SMIM10: variants seen among roughly 807,000 people sequenced by gnomAD.
The protein encoded by SMIM10 is chromosome X open reading frame 69.
For synonymous variants in SMIM10, 32 were observed against 36.0 expected (o/e 0.89, Z 0.40); for missense variants, 62 against 73.1 (o/e 0.85, Z 0.55).
Position 134,991,112 on chromosome X carries a change from C to G in SMIM10, c.17C>G (p.Ser6Cys). 8.6e-7 allele frequency: 1 copy of G among 1,164,955 alleles called. No individual in the cohort carries two copies. Among genetic ancestry groups the G allele is most frequent in the African/African-American group, 1.8e-5 (1 of 56,493 alleles). ...CGGAGCCTGATGGAGGCCTTGGGCT[C>G]TGGGCACTATGTGGGAGGCAGCATC... MEALG[S>C]GHYVGGSIRS... The change falls in exon 1 of 1, where the codon TCT becomes TGT. Residue 6 changes from serine to cysteine, a missense_variant. By Grantham distance (112) the Ser-to-Cys change is moderately radical. Transcript: ENST00000330288.
rs1418802930 is a variant in SMIM10 at position 134,992,115 on chromosome X, A to G, written c.*768A>G. 1 of 122,622 alleles carries G rather than the reference A, an allele frequency of 8.2e-6. No individual in the cohort carries two copies. The highest frequency in any genetic ancestry group is 3.3e-5 in the African/African-American group (1 of 30,568). 10.1% of individuals were successfully genotyped at this position (122,622 alleles called of 1,213,427 possible). A position where few individuals can be genotyped will look rare whatever the true frequency, so the allele number is the denominator to read the frequency against. On this transcript the variant is annotated 3_prime_UTR_variant, in exon 1 of 1. Transcript: ENST00000330288. ...CTGGAGTCGGTGATGAGAAAATCCA[A>G]TCAGAGCATTCCACTTTGCTATTCA...
chrX:134,991,328 A>G lies in SMIM10; in HGVS notation c.233A>G (p.His78Arg). 8.6e-7 allele frequency: 1 copy of G among 1,166,481 alleles called. No individual in the cohort carries two copies. Among genetic ancestry groups the G allele is most frequent in the Non-Finnish European group, 1.1e-6 (1 of 872,164 alleles). ...YILASVILNVHLQVYI is the reference protein window; with the variant it reads ...YILASVILNVRLQVYI The stretch of plus-strand genomic sequence containing the variant: ...CTGGCCTCGGTGATTCTCAACGTCC[A>G]CCTGCAGGTATATATTTAGAGCCAC... The change falls in exon 1 of 1, where the codon CAC becomes CGC. Residue 78 changes from histidine (H) to arginine (R), a missense_variant. Transcript: ENST00000330288.
Position 134,991,275 on chromosome X carries a change from G to A in SMIM10, c.180G>A (p.Leu60=), listed in dbSNP as rs2083201652. 1 of 1,168,334 alleles carries A rather than the reference G, an allele frequency of 8.6e-7. No homozygotes were observed. Among genetic ancestry groups the A allele is most frequent in the Non-Finnish European group, 1.1e-6 (1 of 873,147 alleles). The stretch of plus-strand genomic sequence containing the variant: ...CCTTCTTCGACCTGGCCTGGCGGCT[G>A]CGCAAGAACTTCTTTTACTTCTATA... ...LLTFFDLAWR[L]RKNFFYFYIL... The change falls in exon 1 of 1, where the codon CTG becomes CTA. Residue 60 remains leucine (L), a synonymous_variant. Coordinates refer to ENST00000330288, the MANE Select transcript of SMIM10 (RefSeq NM_001163438.2).
In SMIM10 at chrX:134,991,368, T is replaced by C; in HGVS notation, c.*21T>C. The C allele has an allele frequency of 2.6e-6, 3 of 1,151,834 alleles. No individual in the cohort carries two copies. Among genetic ancestry groups the C allele is most frequent in the Non-Finnish European group, 3.5e-6 (3 of 861,741 alleles). 94.9% of individuals were successfully genotyped at this position (1,151,834 alleles called of 1,213,427 possible). A position where few individuals can be genotyped will look rare whatever the true frequency, so the allele number is the denominator to read the frequency against. Reference sequence around the variant, plus strand: ...TTTAGAGCCACTAACTTTGTGGCATTTGGGGGCTCCTCGTCAGGATGGCTG... The same window carrying C: ...TTTAGAGCCACTAACTTTGTGGCATCTGGGGGCTCCTCGTCAGGATGGCTG... On this transcript the variant is annotated 3_prime_UTR_variant, in exon 1 of 1. Transcript: ENST00000330288.
In SMIM10 at chrX:134,991,134, C is replaced by T. The variant is rs2083201055; in HGVS notation, c.39C>T (p.Ser13=). The T allele has an allele frequency of 1.7e-6, 2 of 1,166,972 alleles. No homozygotes were observed. The highest frequency in any genetic ancestry group is 6.5e-5 in the East Asian group (2 of 30,739). The change falls in exon 1 of 1, where the codon AGC becomes AGT. Residue 13 remains serine, a synonymous_variant. Transcript: ENST00000330288. ...ALGSGHYVGG[S]IRSMAAAALS... Reference sequence around the variant, plus strand: ...GCTCTGGGCACTATGTGGGAGGCAGCATCAGGTCCATGGCGGCGGCGGCCC... The same window carrying T: ...GCTCTGGGCACTATGTGGGAGGCAGTATCAGGTCCATGGCGGCGGCGGCCC...
rs917957126 is a variant in SMIM10, at chrX:134,992,239, GCCT to G, written c.*894_*896del. On this transcript the variant is annotated 3_prime_UTR_variant, in exon 1 of 1. Coordinates refer to ENST00000330288, the MANE Select transcript of SMIM10 (RefSeq NM_001163438.2). ...GGGCGGCAGGAAGTCAGCAGAAAAT[GCCT>G]CATGTCATTAAGTCAAGAAATAGTA... is the stretch of plus-strand genomic sequence containing the variant. The G allele has an allele frequency of 7.4e-5, 9 of 122,158 alleles. No individual in the cohort carries two copies. Among genetic ancestry groups the G allele is most frequent in the African/African-American group, 3.0e-4 (9 of 30,343 alleles). 10.1% of individuals were successfully genotyped at this position (122,158 alleles called of 1,213,427 possible).
At position 134,991,491 on chromosome X, in the gene SMIM10, G is replaced by C; in HGVS notation, c.*144G>C. The C allele has an allele frequency of 1.4e-6, 1 of 706,325 alleles. No homozygotes were observed. Among genetic ancestry groups the C allele is most frequent in the East Asian group, 3.6e-5 (1 of 27,828 alleles). The allele number at this position is 706,325 out of a possible 1,213,427, so 58.2% of individuals were successfully genotyped here. The stretch of plus-strand genomic sequence containing the variant: ...ATTCTTTCCATTGCCTCATCTTTTA[G>C]TATAAATGGGTGGCAAAAAAAGAAA... On this transcript the variant is annotated 3_prime_UTR_variant, in exon 1 of 1. Coordinates refer to ENST00000330288, the MANE Select transcript of SMIM10 (RefSeq NM_001163438.2).
chrX:134,991,003 G>A lies in SMIM10; in HGVS notation c.-93G>A, dbSNP rs2083200518. 1 of 1,078,221 alleles carries A rather than the reference G, an allele frequency of 9.3e-7. No individual in the cohort carries two copies. Among genetic ancestry groups the A allele is most frequent in the East Asian group, 3.3e-5 (1 of 30,005 alleles). 88.9% of individuals were successfully genotyped at this position (1,078,221 alleles called of 1,213,427 possible). On this transcript the variant is annotated 5_prime_UTR_variant, in exon 1 of 1. Transcript: ENST00000330288. Reference sequence around the variant, plus strand: ...GAAAGGAGGGCTTCCGCCTTGCAGCGCAGCTCGGATCAGCAGCAGCCCAGG... The same window carrying A: ...GAAAGGAGGGCTTCCGCCTTGCAGCACAGCTCGGATCAGCAGCAGCCCAGG...
In SMIM10 at chrX:134,991,236, G is replaced by C. The variant is rs775876425; in HGVS notation, c.141G>C (p.Thr47=). The C allele has an allele frequency of 3.6e-5, 42 of 1,167,357 alleles. No individual in the cohort carries two copies. Among genetic ancestry groups the C allele is most frequent in the Non-Finnish European group, 4.7e-5 (41 of 873,016 alleles). Residue 47 remains threonine (T), a synonymous_variant, in exon 1 of 1, where the codon ACG becomes ACC. Transcript: ENST00000330288. The stretch of plus-strand genomic sequence containing the variant: ...ACGGCGCCTTCTGCAAGACGCTCAC[G>C]CGCACGCTGCTCACCTTCTTCGACC... The part of the protein sequence containing the change: ...GSYGAFCKTL[T]RTLLTFFDLA...
At position 134,991,414 on chromosome X, in the gene SMIM10, C is replaced by T; in HGVS notation, c.*67C>T. The T allele has an allele frequency of 9.0e-7, 1 of 1,113,701 alleles. No individual in the cohort carries two copies. The highest frequency in any genetic ancestry group is 1.2e-6 in the Non-Finnish European group (1 of 836,571). The allele number at this position is 1,113,701 out of a possible 1,213,427, so 91.8% of individuals were successfully genotyped here. A position where few individuals can be genotyped will look rare whatever the true frequency, so the allele number is the denominator to read the frequency against. On this transcript the variant is annotated 3_prime_UTR_variant, in exon 1 of 1. Transcript: ENST00000330288. The stretch of plus-strand genomic sequence containing the variant: ...GGCTGACTTCCACCCACCTGCTCAC[C>T]CACCCTAGAGCAAAGCGACCAACTC...
chrX:134,991,209 T>C lies in SMIM10; in HGVS notation c.114T>C (p.Ser38=). Residue 38 remains serine (S), a synonymous_variant, in exon 1 of 1, where the codon TCT becomes TCC. Transcript: ENST00000330288. ...CGCGCCCGCAGGGGACCCGCGGCTCTTACGGCGCCTTCTGCAAGACGCTCA... is the reference window on the plus strand; with the variant it reads ...CGCGCCCGCAGGGGACCCGCGGCTCCTACGGCGCCTTCTGCAAGACGCTCA... ...RLSRPQGTRG[S]YGAFCKTLTR... The C allele has an allele frequency of 8.6e-7, 1 of 1,168,276 alleles. No individual in the cohort carries two copies. The highest frequency in any genetic ancestry group is 1.1e-6 in the Non-Finnish European group (1 of 873,079).
rs2083203035 is a variant in SMIM10 at position 134,991,635 on chromosome X, TA to T, written c.*293del. 1 of 238,112 alleles carries T rather than the reference TA, an allele frequency of 4.2e-6. No homozygotes were observed. The highest frequency in any genetic ancestry group is 6.8e-5 in the Admixed American group (1 of 14,752). The allele number at this position is 238,112 out of a possible 1,213,427, so 19.6% of individuals were successfully genotyped here. The stretch of plus-strand genomic sequence containing the variant: ...TACAGCTTAAAAATTTGAAAATCCT[TA>T]AAAATATCTGAGAAGTTTTTGCATC... On this transcript the variant is annotated 3_prime_UTR_variant, in exon 1 of 1. Coordinates refer to ENST00000330288, the MANE Select transcript of SMIM10 (RefSeq NM_001163438.2).
In SMIM10 at chrX:134,991,053, C is replaced by A. The variant is rs1401848871; in HGVS notation, c.-43C>A. 1 of 1,134,681 alleles carries A rather than the reference C, an allele frequency of 8.8e-7. No individual in the cohort carries two copies. The allele number at this position is 1,134,681 out of a possible 1,213,427, so 93.5% of individuals were successfully genotyped here. A position where few individuals can be genotyped will look rare whatever the true frequency, so the allele number is the denominator to read the frequency against. ...GAGGCCTCCCGCCCGTACTTTCCCG[C>A]GTCCATCCCTCTGTCCCACGGTCGG... On this transcript the variant is annotated 5_prime_UTR_variant, in exon 1 of 1. Transcript: ENST00000330288.
Position 134,992,390 on chromosome X carries a change from T to C in SMIM10, c.*1043T>C, listed in dbSNP as rs898436990. 2 of 122,748 alleles carry C rather than the reference T, an allele frequency of 1.6e-5. No individual in the cohort carries two copies. Among genetic ancestry groups the C allele is most frequent in the African/African-American group, 6.5e-5 (2 of 30,653 alleles). 10.1% of individuals were successfully genotyped at this position (122,748 alleles called of 1,213,427 possible). A position where few individuals can be genotyped will look rare whatever the true frequency, so the allele number is the denominator to read the frequency against. ...GACAGTTCTATTACTTTTCATTATATGTCCTTTTTCTACTGTTTGATTTTT... is the reference window on the plus strand; with the variant it reads ...GACAGTTCTATTACTTTTCATTATACGTCCTTTTTCTACTGTTTGATTTTT... On this transcript the variant is annotated 3_prime_UTR_variant, in exon 1 of 1. Transcript: ENST00000330288.
Position 134,992,377 on chromosome X carries a change from A to G in SMIM10, c.*1030A>G, listed in dbSNP as rs1372451312. The G allele has an allele frequency of 1.6e-5, 2 of 122,605 alleles. No homozygotes were observed. Among genetic ancestry groups the G allele is most frequent in the Non-Finnish European group, 3.8e-5 (2 of 53,128 alleles). 10.1% of individuals were successfully genotyped at this position (122,605 alleles called of 1,213,427 possible). On this transcript the variant is annotated 3_prime_UTR_variant, in exon 1 of 1. Coordinates refer to ENST00000330288, the MANE Select transcript of SMIM10 (RefSeq NM_001163438.2). The stretch of plus-strand genomic sequence containing the variant: ...GTTGAGAAGGAGGGACAGTTCTATT[A>G]CTTTTCATTATATGTCCTTTTTCTA...
rs1169461681 is a variant in SMIM10, at chrX:134,992,269, T to C, written c.*922T>C. On this transcript the variant is annotated 3_prime_UTR_variant, in exon 1 of 1. Coordinates refer to ENST00000330288, the MANE Select transcript of SMIM10 (RefSeq NM_001163438.2). ...ATGTCATTAAGTCAAGAAATAGTAA[T>C]AAAGGCATGTTATTGAAAAAGGGGG... 2 of 122,101 alleles carry C rather than the reference T, an allele frequency of 1.6e-5. No homozygotes were observed. Among genetic ancestry groups the C allele is most frequent in the Non-Finnish European group, 3.8e-5 (2 of 53,012 alleles). The allele number at this position is 122,101 out of a possible 1,213,427, so 10.1% of individuals were successfully genotyped here. A position where few individuals can be genotyped will look rare whatever the true frequency, so the allele number is the denominator to read the frequency against.
At position 134,992,292 on chromosome X, in the gene SMIM10, G is replaced by A. The variant is rs750105087; in HGVS notation, c.*945G>A. 4 of 122,682 alleles carry A rather than the reference G, an allele frequency of 3.3e-5. No homozygotes were observed. In the East Asian group the frequency reaches 1.1e-3, roughly 35 times the overall value. 10.1% of individuals were successfully genotyped at this position (122,682 alleles called of 1,213,427 possible). On this transcript the variant is annotated 3_prime_UTR_variant, in exon 1 of 1. Coordinates refer to ENST00000330288, the MANE Select transcript of SMIM10 (RefSeq NM_001163438.2). ...AATAAAGGCATGTTATTGAAAAAGG[G>A]GGTGTAATCTCTAAACAAGCACGTG... is the stretch of plus-strand genomic sequence containing the variant.
rs1462994374 is a variant in SMIM10 at position 134,992,182 on chromosome X, T to C, written c.*835T>C. 1.7e-5 allele frequency: 2 copies of C among 117,708 alleles called. No individual in the cohort carries two copies. The highest frequency in any genetic ancestry group is 6.9e-5 in the African/African-American group (2 of 29,102). The allele number at this position is 117,708 out of a possible 1,213,427, so 9.7% of individuals were successfully genotyped here. ...ACAGAAGAGTTAAAAATTAGTGATA[T>C]GACTATATTCAGGGGGAAGGAGAGC... On this transcript the variant is annotated 3_prime_UTR_variant, in exon 1 of 1. Transcript: ENST00000330288.
At position 134,992,355 on chromosome X, in the gene SMIM10, GAGA is replaced by G. The variant is rs1214135016; in HGVS notation, c.*1011_*1013del. The G allele has an allele frequency of 3.3e-5, 4 of 122,755 alleles. No individual in the cohort carries two copies. The East Asian group carries it at 1.1e-3, about 34-fold the overall frequency. 10.1% of individuals were successfully genotyped at this position (122,755 alleles called of 1,213,427 possible). ...TTTCTGATTTGGGGAAGCAAGAGTT[GAGA>G]AGGAGGGACAGTTCTATTACTTTTC... On this transcript the variant is annotated 3_prime_UTR_variant, in exon 1 of 1. Coordinates refer to ENST00000330288, the MANE Select transcript of SMIM10 (RefSeq NM_001163438.2).
Sources: gnomAD v4.1 joint callset for allele counts on GRCh38, gnomAD v4.1.1 for gene constraint, MANE v1.5 for transcripts, NCBI Gene and HGNC (gene_info 2026-07-23, HGNC 2026-07-21) for gene names.